Variants in ACBD6 observed in about 807,000 individuals in gnomAD.
The protein encoded by ACBD6 is acyl-CoA-binding domain-containing protein 6.
Under a neutral mutation model 37.2 loss-of-function variants are expected in ACBD6, and 28 were observed. The observed-to-expected ratio is 0.75, with a 90% CI of 0.56 to 1.03. ACBD6 has a LOEUF of 1.03. Ranked by LOEUF, ACBD6 falls within the 50% of genes least tolerant of loss-of-function variation. The pLI, the probability that ACBD6 is intolerant of heterozygous loss-of-function variation, is 0.00. For missense variants in ACBD6, 340 were observed against 337.4 expected (o/e 1.01, Z -0.06); for synonymous variants, 113 against 126.8 (o/e 0.89, Z 0.73).
chr1:180,362,860 A>T lies in ACBD6; in HGVS notation c.663+34656T>A, dbSNP rs527689659. On this transcript the variant is annotated intron_variant, in intron 6 of 7. Coordinates refer to ENST00000367595, the MANE Select transcript of ACBD6 (RefSeq NM_032360.4). ...ATTATGTAATGAATATTTAATCATT[A>T]CAAAGAGCCTGCCATTGGCTTAACT... Among the ~76,000 whole-genome samples, 7 of 152,368 alleles carry T rather than the reference A, an allele frequency of 4.6e-5. No homozygotes were observed. The South Asian group carries it at 1.5e-3, about 32-fold the overall frequency.
chr1:180,373,780 T>C (rs1653342725), intron 6 of ACBD6, among the ~76,000 whole-genome samples: 1 of 152,178 alleles, frequency 6.6e-6, no homozygotes, highest in African/African-American at 2.4e-5. Flanking sequence ...AATCTTTGCA[T>C]TCTGGGACAT....
At chr1:180,399,722 A>G (rs1647267643) in intron 5 of ACBD6, among the ~76,000 whole-genome samples, 1 of 152,230 alleles carries the variant, frequency 6.6e-6, no homozygotes, top group Non-Finnish European at 1.5e-5. Flanking sequence ...GAACAATTAG[A>G]TATTTTAATG....
chr1:180,397,437 A>G (rs1654305434), intron 6 of ACBD6, 79 bp downstream of exon 6: 1 of 1,256,284 alleles, frequency 8.0e-7, no homozygotes, highest in African/African-American at 1.5e-5. Context: ...ACATTTCAAA[A>G]GAGTTAATCT....
Position 180,502,444 on chromosome 1 carries a change from G to C in ACBD6, c.-178C>G. ...TGCTCCCTGCCCACTTCTACTCCCT[G>C]GGCGTGCAGAGCAGGCTCCTCGACC... On this transcript the variant is annotated 5_prime_UTR_variant, in exon 1 of 8. Transcript: ENST00000367595. The C allele has an allele frequency of 1.4e-6, 1 of 701,806 alleles. No individual in the cohort carries two copies. The highest frequency in any genetic ancestry group is 3.9e-4 in the Middle Eastern group (1 of 2,590). The allele number at this position is 701,806 out of a possible 1,614,324, so 43.5% of individuals were successfully genotyped here. A position where few individuals can be genotyped will look rare whatever the true frequency, so the allele number is the denominator to read the frequency against.
chr1:180,417,713 C>CATCT (rs1338775222), intron 4 of ACBD6, among the ~76,000 whole-genome samples: 2 of 152,090 alleles, frequency 1.3e-5, no homozygotes, highest in Admixed American at 6.5e-5. Context: ...CTTTTTTCTA[C>CATCT]ATCTTTGAGG....
exon 14 of ACBD6, chr1:180,270,098 AG>A (rs1337845024): frequency 1.3e-5 from 2 of 152,202 alleles, no homozygotes; most frequent in Non-Finnish European, 2.9e-5. Flanking sequence ...TGGACTTCCA[AG>A]GGGGAAGTGA....
At chr1:180,459,188 AATCTCTAAT>A (rs1650035494) in intron 3 of ACBD6, among the ~76,000 whole-genome samples, 1 of 152,196 alleles carries the variant, frequency 6.6e-6, no homozygotes, top group East Asian at 1.9e-4. Context: ...ATTCAAAAGA[AATCTCTAAT>A]ATTTTAGTAA....
chr1:180,455,331 T>C (rs1454983854), intron 3 of ACBD6, among the ~76,000 whole-genome samples: 3 of 144,032 alleles, frequency 2.1e-5, no homozygotes, highest in African/African-American at 7.8e-5. Flanking sequence ...TGAAAACACA[T>C]GGACACGGGG....
intron 9 of ACBD6, chr1:180,276,772 G>A (rs1649055017): frequency 6.6e-6 from 1 of 151,862 alleles, no homozygotes; most frequent in African/African-American, 2.4e-5. Context: ...GCAACTCATG[G>A]GATTTCAGAG....
intron 3 of ACBD6, among the ~76,000 whole-genome samples, chr1:180,465,027 C>A (rs551775781): frequency 6.6e-6 from 1 of 152,176 alleles, no homozygotes; most frequent in South Asian, 2.1e-4. Context: ...ACACAAAAAT[C>A]AATTCAAGAT....
At chr1:180,303,845 C>T (rs1364222769) in intron 7 of ACBD6, among the ~76,000 whole-genome samples, 2 of 150,750 alleles carry the variant, frequency 1.3e-5, no homozygotes, top group African/African-American at 4.8e-5. Flanking sequence ...AATACTGATG[C>T]AAAAATCATC....
intron 6 of ACBD6, among the ~76,000 whole-genome samples, chr1:180,332,523 A>C (rs557933666): frequency 7.9e-4 from 120 of 152,106 alleles, no homozygotes; most frequent in African/African-American, 2.7e-3. Flanking sequence ...AGGAATGCCA[A>C]CCCTTATTGT....
intron 6 of ACBD6, among the ~76,000 whole-genome samples, chr1:180,350,487 G>A (rs1043571907): frequency 9.9e-5 from 15 of 152,056 alleles, no homozygotes; most frequent in African/African-American, 2.9e-4. Flanking sequence ...TAATACAAGG[G>A]TATCTTCACT....
At chr1:180,449,964 C>T (rs1338392590) in intron 3 of ACBD6, among the ~76,000 whole-genome samples, 1 of 146,140 alleles carries the variant, frequency 6.8e-6, no homozygotes, top group Non-Finnish European at 1.5e-5. Flanking sequence ...ATGACAGGGT[C>T]AATGAAAGAC....
intron 6 of ACBD6, among the ~76,000 whole-genome samples, chr1:180,319,013 T>G (rs957992698): frequency 2.0e-5 from 3 of 152,170 alleles, no homozygotes; most frequent in Non-Finnish European, 4.4e-5. Context: ...TTCTGAGTGT[T>G]TTGTGGTGGG....
At chr1:180,313,316 C>A (rs1323825026) in intron 7 of ACBD6, among the ~76,000 whole-genome samples, 1 of 152,140 alleles carries the variant, frequency 6.6e-6, no homozygotes, top group African/African-American at 2.4e-5. Flanking sequence ...TGGTGACAGA[C>A]ATTTCAACCT....
chr1:180,271,652 T>A, exon 14 of ACBD6: 6 of 1,409,994 alleles, frequency 4.3e-6, no homozygotes, highest in Non-Finnish European at 6.0e-6. Flanking sequence ...CCCAGGGCTT[T>A]TGCCAGAACT....
chr1:180,412,883 G>C (rs930428836), intron 5 of ACBD6, among the ~76,000 whole-genome samples: 2 of 151,996 alleles, frequency 1.3e-5, no homozygotes, highest in Non-Finnish European at 2.9e-5. Context: ...AAAAAAAGGA[G>C]TAATATATTT....
chr1:180,475,333 C>T (rs1013403267), intron 3 of ACBD6, among the ~76,000 whole-genome samples: 2 of 152,110 alleles, frequency 1.3e-5, no homozygotes, highest in African/African-American at 2.4e-5. Flanking sequence ...TTTGTATCCC[C>T]GGGCAACCAC....
Sources: gnomAD v4.1 joint callset for allele counts (sites outside exome capture counted in the v4.1 genomes callset) on GRCh38, gnomAD v4.1.1 for gene constraint, MANE v1.5 for transcripts, NCBI Gene and HGNC (gene_info 2026-07-23, HGNC 2026-07-21) for gene names.